Variants in CHST11 observed in about 807,000 individuals in gnomAD.
The protein encoded by CHST11 is C4S-1.
In CHST11, 9 loss-of-function variants were observed where a neutral mutation model predicts 30.4. The ratio of observed to expected loss-of-function variants is 0.30; its 90% CI spans 0.18 to 0.52. The LOEUF (loss-of-function observed/expected upper bound fraction) is 0.52, where lower values mean the gene tolerates loss of function less well. Ranked by LOEUF, CHST11 falls within the 20% of genes least tolerant of loss-of-function variation. The pLI is 0.97. For missense variants in CHST11, 348 were observed against 460.6 expected (o/e 0.76, Z 2.24); for synonymous variants, 152 against 187.8 (o/e 0.81, Z 1.56).
chr12:104,693,261 A>G (rs1366920327), intron 2 of CHST11, among the ~76,000 whole-genome samples: 1 of 152,240 alleles, frequency 6.6e-6, no homozygotes, highest in Non-Finnish European at 1.5e-5. Flanking sequence ...AGACTTCAAC[A>G]TATAAATTTG....
At chr12:104,639,729 T>A (rs932343385) in intron 2 of CHST11, among the ~76,000 whole-genome samples, 1 of 151,890 alleles carries the variant, frequency 6.6e-6, no homozygotes, top group Admixed American at 6.6e-5. Flanking sequence ...TCTGAGGGAG[T>A]AGTGTTTGGC....
intron 2 of CHST11, among the ~76,000 whole-genome samples, chr12:104,750,382 G>A (rs2040419258): frequency 8.7e-6 from 1 of 114,610 alleles, no homozygotes; most frequent in Non-Finnish European, 1.8e-5. Context: ...GAATGTTTAT[G>A]TTTGTTTTGA....
intron 1 of CHST11, among the ~76,000 whole-genome samples, chr12:104,509,323 C>T (rs55852468): frequency 6.6e-6 from 1 of 152,204 alleles, no homozygotes; most frequent in Non-Finnish European, 1.5e-5. Flanking sequence ...GAACTATAAG[C>T]TCATGAAATC....
chr12:104,732,676 C>A (rs1008499165), intron 2 of CHST11, among the ~76,000 whole-genome samples: 2 of 152,158 alleles, frequency 1.3e-5, no homozygotes, highest in Non-Finnish European at 2.9e-5. Flanking sequence ...GTGTCCATAT[C>A]CAAACCTGAG....
At chr12:104,742,346 C>T (rs2040353864) in intron 2 of CHST11, among the ~76,000 whole-genome samples, 2 of 152,116 alleles carry the variant, frequency 1.3e-5, no homozygotes, top group Admixed American at 6.5e-5. Flanking sequence ...GGAGGCCCAT[C>T]GTGGTAGGGG....
intron 2 of CHST11, among the ~76,000 whole-genome samples, chr12:104,610,459 A>C (rs907051572): frequency 1.3e-5 from 2 of 152,192 alleles, no homozygotes; most frequent in Non-Finnish European, 2.9e-5. Context: ...TGACATATTT[A>C]AACTGGAGAA....
In CHST11 at chr12:104,651,163, A is replaced by T. The variant is rs116813262; in HGVS notation, c.204+49172A>T. Reference sequence around the variant, plus strand: ...AAGCCATCCAGCACATCACCATCAGATTAATTTCTAAATTAACCTAAAACT... The same window carrying T: ...AAGCCATCCAGCACATCACCATCAGTTTAATTTCTAAATTAACCTAAAACT... On this transcript the variant is annotated intron_variant, in intron 2 of 2. Transcript: ENST00000303694. Among the ~76,000 whole-genome samples the T allele has an allele frequency of 7.6e-3, 1,157 of 152,330 alleles. 10 individuals carry two copies. The highest frequency in any genetic ancestry group is 0.026 in the African/African-American group (1,093 of 41,576).
At chr12:104,732,148 G>C (rs2040263201) in intron 2 of CHST11, among the ~76,000 whole-genome samples, 1 of 152,234 alleles carries the variant, frequency 6.6e-6, no homozygotes. Context: ...TCAGAAGCAG[G>C]AGGTGGCAGG....
Position 104,486,304 on chromosome 12 carries a change from ATT to A in CHST11, c.118+28789_118+28790del, listed in dbSNP as rs5800622. Among the ~76,000 whole-genome samples, 700 of 146,992 alleles carry A rather than the reference ATT, an allele frequency of 4.8e-3. 3 individuals are homozygous for A. The highest frequency in any genetic ancestry group is 0.013 in the African/African-American group (510 of 40,092). Reference sequence around the variant, plus strand: ...GAAAAAGTGTTTTAAAGTCAGTGTGATTTTTTTTTTTTTTTAATGACACAGAA... The same window carrying A: ...GAAAAAGTGTTTTAAAGTCAGTGTGATTTTTTTTTTTTTAATGACACAGAA... On this transcript the variant is annotated intron_variant, in intron 1 of 2. Transcript: ENST00000303694.
At chr12:104,716,524 C>T (rs1414363930) in intron 2 of CHST11, among the ~76,000 whole-genome samples, 2 of 152,264 alleles carry the variant, frequency 1.3e-5, no homozygotes, top group African/African-American at 4.8e-5. Context: ...GATCGTCTCG[C>T]ATCCATACCT....
At chr12:104,485,739 A>T (rs909956816) in intron 1 of CHST11, among the ~76,000 whole-genome samples, 2 of 152,028 alleles carry the variant, frequency 1.3e-5, no homozygotes, top group African/African-American at 4.8e-5. Context: ...TAACATTCAT[A>T]ACCACAACGC....
chr12:104,595,619 A>T (rs2038900647), intron 1 of CHST11, among the ~76,000 whole-genome samples: 1 of 152,198 alleles, frequency 6.6e-6, no homozygotes, highest in Non-Finnish European at 1.5e-5. Flanking sequence ...TTCAAAGTGA[A>T]GATCTTAGTT....
chr12:104,542,621 C>T (rs571248096), intron 1 of CHST11, among the ~76,000 whole-genome samples: 1 of 152,312 alleles, frequency 6.6e-6, no homozygotes, highest in Non-Finnish European at 1.5e-5. Context: ...AGTCTAGGAC[C>T]TGGAGCCCCA....
intron 2 of CHST11, among the ~76,000 whole-genome samples, chr12:104,724,478 T>C (rs2040202136): frequency 6.6e-6 from 1 of 152,174 alleles, no homozygotes; most frequent in South Asian, 2.1e-4. Flanking sequence ...ACCACCATTT[T>C]TTTTTAAAGG....
intron 2 of CHST11, among the ~76,000 whole-genome samples, chr12:104,692,249 G>A (rs1007717707): frequency 6.6e-6 from 1 of 152,168 alleles, no homozygotes; most frequent in Non-Finnish European, 1.5e-5. Context: ...CTGCTCCGAC[G>A]CATGCAGTGC....
intron 1 of CHST11, among the ~76,000 whole-genome samples, chr12:104,566,031 G>A (rs564033790): frequency 6.6e-6 from 1 of 152,302 alleles, no homozygotes; most frequent in Non-Finnish European, 1.5e-5. Context: ...TCCTAGGCCT[G>A]TGAATGTTCT....
chr12:104,557,317 C>T (rs796656799), intron 1 of CHST11, among the ~76,000 whole-genome samples: 5 of 152,330 alleles, frequency 3.3e-5, no homozygotes, highest in African/African-American at 1.2e-4. Context: ...CGCTCATCAC[C>T]AGCTGGGAAC....
chr12:104,571,461 G>A (rs933684313), intron 1 of CHST11, among the ~76,000 whole-genome samples: 22 of 152,110 alleles, frequency 1.4e-4, no homozygotes, highest in Admixed American at 1.2e-3. Flanking sequence ...TGCACCCGGC[G>A]ACAGACAATA....
At chr12:104,510,124 C>T (rs1351314885) in intron 1 of CHST11, among the ~76,000 whole-genome samples, 1 of 152,216 alleles carries the variant, frequency 6.6e-6, no homozygotes, top group East Asian at 1.9e-4. Flanking sequence ...CTGGCCAGAA[C>T]TTGGTCTTGG....
Sources: allele counts gnomAD v4.1 joint callset (sites outside exome capture counted in the v4.1 genomes callset), GRCh38; gene constraint gnomAD v4.1.1; transcripts MANE v1.5; gene names NCBI Gene and HGNC (gene_info 2026-07-23, HGNC 2026-07-21).